The following CACNA1D variants were observed in gnomAD, a reference collection of about 807,000 sequenced individuals.
CACNA1D encodes the protein voltage-dependent L-type calcium channel subunit alpha-1D.
In CACNA1D, 55 loss-of-function variants were observed where a neutral mutation model predicts 257.1. The ratio of observed to expected loss-of-function variants is 0.21; its 90% CI spans 0.17 to 0.27. CACNA1D has a LOEUF of 0.27. Ranked by LOEUF, CACNA1D falls within the 10% of genes least tolerant of loss-of-function variation. CACNA1D has a pLI of 1.00. For missense variants in CACNA1D, 1,876 were observed against 2,784.0 expected (o/e 0.67, Z 7.34); for synonymous variants, 980 against 1,014.9 (o/e 0.97, Z 0.65).
intron 18 of CACNA1D, 104 bp downstream of exon 18, chr3:53,732,186 T>C (rs1216785234): frequency 1.2e-6 from 1 of 827,032 alleles, no homozygotes; most frequent in Non-Finnish European, 2.1e-6. Context: ...AGCGTGCACA[T>C]GAGCTGCTGA....
At chr3:53,579,857 G>A (rs2093101542) in intron 3 of CACNA1D, among the ~76,000 whole-genome samples, 1 of 152,248 alleles carries the variant, frequency 6.6e-6, no homozygotes, top group Non-Finnish European at 1.5e-5. Flanking sequence ...GACTCAAGGT[G>A]AAGGCAGTGC....
At chr3:53,647,814 C>T (rs2094038804) in intron 3 of CACNA1D, among the ~76,000 whole-genome samples, 1 of 152,198 alleles carries the variant, frequency 6.6e-6, no homozygotes, top group African/African-American at 2.4e-5. Flanking sequence ...GGTCTGCCTG[C>T]TCTCCAGGCT....
At chr3:53,648,326 G>A (rs573992956) in intron 3 of CACNA1D, among the ~76,000 whole-genome samples, 2 of 152,282 alleles carry the variant, frequency 1.3e-5, no homozygotes, top group Admixed American at 1.3e-4. Flanking sequence ...TCTGCCTTTG[G>A]TGGTCAGGGT....
chr3:53,497,510 G>A (rs1251787372), intron 2 of CACNA1D, 49 bp downstream of exon 2: 1 of 1,585,492 alleles, frequency 6.3e-7, no homozygotes, highest in Admixed American at 1.7e-5. Context: ...TTTACCATCT[G>A]TTTTTTAAAA....
intron 20 of CACNA1D, among the ~76,000 whole-genome samples, chr3:53,738,419 A>T (rs1019665950): frequency 2.6e-4 from 39 of 152,158 alleles, no homozygotes; most frequent in Non-Finnish European, 5.1e-4. Flanking sequence ...TTTGTTAGAG[A>T]GGGTTTAGTT....
chr3:53,613,111 CCA>C lies in CACNA1D; in HGVS notation c.484-37665_484-37664del, dbSNP rs529442759. On this transcript the variant is annotated intron_variant, in intron 3 of 47. Coordinates refer to ENST00000350061, the MANE Select transcript of CACNA1D (RefSeq NM_001128840.3). ...AGGGCACTTTGCTTCTGTGCAAACA[CCA>C]CAGAGTATGCTGCTGAGTTGCTCTG... Among the ~76,000 whole-genome samples, 189 of 152,300 alleles carry C rather than the reference CCA, an allele frequency of 1.2e-3. 1 individual carries two copies. Among genetic ancestry groups the C allele is most frequent in the Admixed American group, 2.5e-3 (38 of 15,302 alleles).
chr3:53,735,822 G>T (rs969927687), intron 20 of CACNA1D, among the ~76,000 whole-genome samples: 5 of 152,154 alleles, frequency 3.3e-5, no homozygotes, highest in African/African-American at 1.2e-4. Context: ...CCCTGCTCAG[G>T]TTTACACTCA....
At chr3:53,597,512 G>T (rs2093385196) in intron 3 of CACNA1D, among the ~76,000 whole-genome samples, 1 of 152,212 alleles carries the variant, frequency 6.6e-6, no homozygotes, top group Non-Finnish European at 1.5e-5. Flanking sequence ...GCCTGACTTT[G>T]CCTATTTGGA....
At chr3:53,782,830 G>A (rs1161387933) in intron 39 of CACNA1D, 1 of 152,192 alleles carries the variant, frequency 6.6e-6, no homozygotes, top group Non-Finnish European at 1.5e-5. Context: ...CTTCCCACAG[G>A]AGAACCGATA....
intron 4 of CACNA1D, 120 bp from the exon 5 acceptor site, chr3:53,660,013 T>A: frequency 1.1e-6 from 1 of 879,822 alleles, no homozygotes; most frequent in Non-Finnish European, 1.8e-6. Context: ...TTTGTCTTCC[T>A]TTTATTTAAG....
intron 3 of CACNA1D, among the ~76,000 whole-genome samples, chr3:53,627,642 T>G (rs1324890615): frequency 6.8e-6 from 1 of 146,698 alleles, no homozygotes. Context: ...GGAAAAGGGA[T>G]GGTTGATTAT....
chr3:53,767,825 C>T (rs2095342955), intron 30 of CACNA1D, among the ~76,000 whole-genome samples: 1 of 152,160 alleles, frequency 6.6e-6, no homozygotes, highest in Non-Finnish European at 1.5e-5. Flanking sequence ...CCGGGGCTGC[C>T]AGTCACATCC....
chr3:53,530,216 C>T (rs956037338), intron 3 of CACNA1D: 3 of 152,082 alleles, frequency 2.0e-5, no homozygotes, highest in African/African-American at 7.2e-5. Flanking sequence ...ATTAAATAAG[C>T]GGTGGGTGAC....
chr3:53,691,504 T>A (rs1221843085), intron 8 of CACNA1D, among the ~76,000 whole-genome samples: 2 of 150,754 alleles, frequency 1.3e-5, no homozygotes, highest in African/African-American at 2.4e-5. Flanking sequence ...TTGGGAAAAA[T>A]TTTCTACTGG....
intron 11 of CACNA1D, among the ~76,000 whole-genome samples, chr3:53,720,131 A>G (rs2094866428): frequency 6.6e-6 from 1 of 152,186 alleles, no homozygotes; most frequent in African/African-American, 2.4e-5. Flanking sequence ...AGGTACTAGC[A>G]TTTCTTGATG....
rs1461873147 is a variant in CACNA1D at position 53,800,317 on chromosome 3, T to C, written c.4992T>C (p.Asp1664=). The part of the protein sequence containing the change: ...IRRAISCDLQ[D]DEPEETKREE... ...GTGCTATATCGTGTGATTTGCAAGA[T>C]GACGAGCCTGAGGAAACAAAACGAG... Residue 1664 remains aspartate (D), a synonymous_variant, in exon 41 of 48, where the codon GAT becomes GAC. Coordinates refer to ENST00000350061, the MANE Select transcript of CACNA1D (RefSeq NM_001128840.3). This position sits in a 1 kb window ranked among gnomAD's most constrained non-coding sequence, Gnocchi z 4.3. The C allele has an allele frequency of 6.2e-7, 1 of 1,613,934 alleles. No individual in the cohort carries two copies. Among genetic ancestry groups the C allele is most frequent in the Admixed American group, 1.7e-5 (1 of 60,012 alleles).
intron 3 of CACNA1D, among the ~76,000 whole-genome samples, chr3:53,576,556 G>T (rs1037632497): frequency 6.6e-6 from 1 of 152,144 alleles, no homozygotes; most frequent in Non-Finnish European, 1.5e-5. Flanking sequence ...GGAATTAAGG[G>T]AGTTGCTGTG....
chr3:53,567,255 T>C (rs2092861022), intron 3 of CACNA1D, among the ~76,000 whole-genome samples: 1 of 152,222 alleles, frequency 6.6e-6, no homozygotes, highest in South Asian at 2.1e-4. Context: ...AAATTTATTA[T>C]TGTTGATGTC....
intron 3 of CACNA1D, among the ~76,000 whole-genome samples, chr3:53,525,687 T>G (rs2091738311): frequency 6.6e-6 from 1 of 152,100 alleles, no homozygotes; most frequent in African/African-American, 2.4e-5. Context: ...GTGCCAAGGA[T>G]CAGCCCAATT....
Sources: allele counts gnomAD v4.1 joint callset (sites outside exome capture counted in the v4.1 genomes callset), GRCh38; gene constraint gnomAD v4.1.1; non-coding constraint Gnocchi (gnomAD v3.1); transcripts MANE v1.5; gene names NCBI Gene and HGNC (gene_info 2026-07-23, HGNC 2026-07-21).